The following COL21A1 variants were observed in gnomAD, a reference collection of about 807,000 sequenced individuals.
COL21A1 encodes collagen alpha-1(XXI) chain.
In COL21A1, 149 loss-of-function variants were observed where a neutral mutation model predicts 137.9. The ratio of observed to expected loss-of-function variants is 1.08; its 90% CI spans 0.95 to 1.24. The LOEUF (loss-of-function observed/expected upper bound fraction) is 1.24, where lower values mean the gene tolerates loss of function less well. Ranked by LOEUF, COL21A1 falls within the 50% of genes most tolerant of loss-of-function variation. COL21A1 has a pLI of 0.00. For synonymous variants in COL21A1, 456 were observed against 391.5 expected (o/e 1.16, Z -1.95); for missense variants, 1,167 against 1,158.4 (o/e 1.01, Z -0.11).
chr6:56,325,504 C>A (rs186972698), intron 1 of COL21A1, among the ~76,000 whole-genome samples: 275 of 484 alleles, frequency 0.57, 109 homozygotes, highest in Middle Eastern at 1. Flanking sequence ...TATATTATAT[C>A]TGTAATATAT....
chr6:56,338,606 T>C (rs1765390504), intron 1 of COL21A1, among the ~76,000 whole-genome samples: 2 of 152,200 alleles, frequency 1.3e-5, no homozygotes, highest in South Asian at 2.1e-4. Context: ...TCTCCCTCTC[T>C]ATCTCTTCTC....
chr6:56,325,159 T>G (rs999765603), intron 1 of COL21A1, among the ~76,000 whole-genome samples: 1 of 145,552 alleles, frequency 6.9e-6, no homozygotes, highest in Admixed American at 7.5e-5. Context: ...ATAAAATTTA[T>G]CAAATAAATT....
At position 56,244,959 on chromosome 6, in the gene COL21A1, T is replaced by G. The variant is rs77250082; in HGVS notation, c.-39+2428A>C. On this transcript the variant is annotated intron_variant, in intron 1 of 29. Transcript: ENST00000244728. ...ATGCATGTGTGTGTGACTTGAAGCA[T>G]TTTGAAATTATTGCAGCTAAGGAAG... Among the ~76,000 whole-genome samples the G allele has an allele frequency of 2.1e-3, 324 of 152,332 alleles. 4 individuals are homozygous for G. The East Asian group carries it at 0.044, about 20-fold the overall frequency.
intron 1 of COL21A1, among the ~76,000 whole-genome samples, chr6:56,345,611 G>A (rs1398024124): frequency 5.3e-5 from 8 of 152,134 alleles, no homozygotes; most frequent in East Asian, 1.9e-4. Flanking sequence ...ACGTACACAC[G>A]CCTGATCGCT....
In COL21A1 at chr6:56,057,709, C is replaced by T. The variant is rs772343661; in HGVS notation, c.2822G>A (p.Cys941Tyr). 3.7e-6 allele frequency: 6 copies of T among 1,613,162 alleles called. No homozygotes were observed. The South Asian group carries it at 6.6e-5, about 18-fold the overall frequency. Residue 941 changes from cysteine to tyrosine, a missense_variant, in exon 30 of 30, where the codon TGT becomes TAT. Transcript: ENST00000244728. ...GPPGICDPSLCFSVIARRDPF... is the reference protein window; with the variant it reads ...GPPGICDPSLYFSVIARRDPF... ...ATCTCTTCTGGCAATTACACTAAAA[C>T]ATAGTGATGGGTCGCAGATGCCTGG...
In COL21A1 at chr6:56,223,308, C is replaced by T. The variant is rs192947997; in HGVS notation, c.-39+24079G>A. Among the ~76,000 whole-genome samples, 82 of 151,902 alleles carry T rather than the reference C, an allele frequency of 5.4e-4. No homozygotes were observed. The East Asian group carries it at 0.015, about 27-fold the overall frequency. ...CTTCCCACTGAAAAGTAAAAGTGTC[C>T]CTCTAATATGAAGGGAAAGACTGTA... On this transcript the variant is annotated intron_variant, in intron 1 of 29. Coordinates refer to ENST00000244728, the MANE Select transcript of COL21A1 (RefSeq NM_030820.4).
intron 1 of COL21A1, among the ~76,000 whole-genome samples, chr6:56,386,184 G>A (rs2094017898): frequency 6.6e-6 from 1 of 152,110 alleles, no homozygotes; most frequent in Non-Finnish European, 1.5e-5. Context: ...CCTGACCTCA[G>A]GCAATCTGCC....
chr6:56,069,596 AT>A (rs1465721073), intron 21 of COL21A1, among the ~76,000 whole-genome samples: 1 of 150,280 alleles, frequency 6.7e-6, no homozygotes, highest in East Asian at 2.0e-4. Context: ...TTTGTTATGT[AT>A]TTTTTCTCTA....
intron 17 of COL21A1, among the ~76,000 whole-genome samples, chr6:56,097,015 T>TA (rs67988268): frequency 3.3e-4 from 50 of 149,886 alleles, no homozygotes; most frequent in African/African-American, 5.1e-4. Context: ...CATTAATTGT[T>TA]AAAAAAAAAA....
intron 22 of COL21A1, among the ~76,000 whole-genome samples, chr6:56,068,561 T>C (rs941897211): frequency 3.3e-5 from 5 of 151,592 alleles, no homozygotes; most frequent in Non-Finnish European, 7.4e-5. Flanking sequence ...ATTTTTAAAC[T>C]CCTTAAATTA....
intron 1 of COL21A1, among the ~76,000 whole-genome samples, chr6:56,241,502 T>C (rs1782322373): frequency 6.6e-6 from 1 of 152,202 alleles, no homozygotes; most frequent in Admixed American, 6.5e-5. Flanking sequence ...CAGCCTAGTG[T>C]TGCTAGCTAA....
Position 56,367,827 on chromosome 6 carries a change from G to A in COL21A1, c.-39+26144C>T, listed in dbSNP as rs575088931. ...ACTCCTGAGCACAAGAGATCCTCCC[G>A]CCTCAGCCTCACGGGTAGCTGGGAC... On this transcript the variant is annotated intron_variant, in intron 1 of 28. Coordinates refer to the COL21A1 transcript ENST00000370819. 3.5e-4 allele frequency among the ~76,000 whole-genome samples: 53 copies of A among 152,264 alleles called. No homozygotes were observed. The South Asian group carries it at 6.6e-3, about 19-fold the overall frequency.
intron 22 of COL21A1, chr6:56,068,801 C>T (rs1766484493): frequency 1.2e-5 from 4 of 333,046 alleles, no homozygotes; most frequent in Admixed American, 5.1e-5. Flanking sequence ...ATTGTACATT[C>T]ATATTTTCTG....
chr6:56,377,655 A>C (rs7775847), intron 1 of COL21A1, among the ~76,000 whole-genome samples: 122,566 of 151,980 alleles, frequency 0.81, 49,882 homozygotes, highest in African/African-American at 0.92. Context: ...GTCCAGGCTG[A>C]AACTCCTAGA....
At chr6:56,386,851 T>C (rs188688479) in intron 1 of COL21A1, among the ~76,000 whole-genome samples, 1 of 152,164 alleles carries the variant, frequency 6.6e-6, no homozygotes, top group Non-Finnish European at 1.5e-5. Context: ...AAAAGATGAA[T>C]TGGAGAAATA....
intron 17 of COL21A1, among the ~76,000 whole-genome samples, chr6:56,090,634 A>T (rs538888497): frequency 6.6e-6 from 1 of 152,190 alleles, no homozygotes; most frequent in African/African-American, 2.4e-5. Context: ...AAAATGCATT[A>T]TAAGAGTTAT....
intron 10 of COL21A1, among the ~76,000 whole-genome samples, chr6:56,153,098 A>G (rs961816328): frequency 3.9e-5 from 6 of 152,220 alleles, no homozygotes; most frequent in Non-Finnish European, 2.9e-5. Context: ...GGAATGGGTT[A>G]TAAGGGAAAT....
chr6:56,248,066 T>G (rs536615752), upstream of COL21A1, among the ~76,000 whole-genome samples: 1 of 152,300 alleles, frequency 6.6e-6, no homozygotes, highest in East Asian at 1.9e-4. Context: ...GGCAGTGACC[T>G]TTAAGGGTTT....
intron 1 of COL21A1, among the ~76,000 whole-genome samples, chr6:56,189,547 A>C (rs973411807): frequency 2.6e-5 from 4 of 152,232 alleles, no homozygotes; most frequent in African/African-American, 9.6e-5. Context: ...AACACACTTC[A>C]GGATATTTTC....
Sources: allele counts gnomAD v4.1 joint callset (sites outside exome capture counted in the v4.1 genomes callset), GRCh38; gene constraint gnomAD v4.1.1; transcripts MANE v1.5; gene names NCBI Gene and HGNC (gene_info 2026-07-23, HGNC 2026-07-21).